The following CD300E variants were observed in gnomAD, a reference collection of about 807,000 sequenced individuals.
CD300E encodes the protein CMRF35-like molecule 2.
CD300E carries 14 observed loss-of-function variants against 20.9 expected under a neutral mutation model. The ratio of observed to expected loss-of-function variants is 0.67; its 90% CI spans 0.44 to 1.05. The LOEUF (loss-of-function observed/expected upper bound fraction) is 1.05, where lower values mean the gene tolerates loss of function less well. Ranked by LOEUF, CD300E falls within the 50% of genes least tolerant of loss-of-function variation. The probability of loss-of-function intolerance (pLI) is 0.00; values close to 1 mark genes in which losing one functional copy is unlikely to be tolerated. For missense variants in CD300E, 237 were observed against 253.9 expected (o/e 0.93, Z 0.45); for synonymous variants, 102 against 103.7 (o/e 0.98, Z 0.10).
intron 2 of CD300E, 78 bp downstream of exon 2, chr17:74,617,040 C>T: frequency 7.9e-7 from 1 of 1,266,916 alleles, no homozygotes; most frequent in Non-Finnish European, 1.1e-6. Context: ...TGGACGCACA[C>T]TTCAGTGTGC....
chr17:74,618,456 C>T (rs896680217), intron 1 of CD300E, among the ~76,000 whole-genome samples: 5 of 152,114 alleles, frequency 3.3e-5, no homozygotes, highest in African/African-American at 9.7e-5. Flanking sequence ...GCGCAGGGGC[C>T]ACGGAAGCTT....
intron 2 of CD300E, 61 bp from the exon 3 acceptor site, chr17:74,614,094 C>G: frequency 2.4e-6 from 3 of 1,263,812 alleles, no homozygotes; most frequent in Non-Finnish European, 2.3e-6. Context: ...CACAGAACAC[C>G]CGTATGGATG....
chr17:74,617,210 G>A lies in CD300E; in HGVS notation c.296C>T (p.Ala99Val). 3 of 1,614,156 alleles carry A rather than the reference G, an allele frequency of 1.9e-6. No individual in the cohort carries two copies. Among genetic ancestry groups the A allele is most frequent in the Non-Finnish European group, 2.5e-6 (3 of 1,180,028 alleles). Residue 99 changes from alanine (A) to valine (V), a missense_variant, in exon 2 of 4, where the codon GCT becomes GTT. By Grantham distance (64) the Ala-to-Val change is moderately conservative (BLOSUM62 0). Transcript: ENST00000392619. Reference sequence around the variant, plus strand: ...CTGAATTTTGCACCAGTAAGATCCAGCATCATCTTCATTGAGGTTCTGCAT... The same window carrying A: ...CTGAATTTTGCACCAGTAAGATCCAACATCATCTTCATTGAGGTTCTGCAT... ...VTMQNLNEDD[A>V]GSYWCKIQTV...
chr17:74,612,950 A>G (rs890394030), intron 3 of CD300E, among the ~76,000 whole-genome samples, 177 bp from the exon 4 acceptor site: 3 of 152,126 alleles, frequency 2.0e-5, no homozygotes, highest in Non-Finnish European at 2.9e-5. Flanking sequence ...TCCCTCCATC[A>G]AGGACTGCCC....
chr17:74,619,330 G>A, intron 1 of CD300E: 1 of 327,908 alleles, frequency 3.0e-6, no homozygotes, highest in Non-Finnish European at 6.2e-6. Context: ...GCTAGGATCA[G>A]AGCCAGTCCC....
At chr17:74,613,025 G>A (rs373857503) in intron 3 of CD300E, among the ~76,000 whole-genome samples, 33 of 152,284 alleles carry the variant, frequency 2.2e-4, no homozygotes, top group African/African-American at 7.7e-4. Context: ...CCAGGAGTGC[G>A]CTCCACAGCA....
At chr17:74,619,318 C>G (rs1175194255) in intron 1 of CD300E, 6 of 344,256 alleles carry the variant, frequency 1.7e-5, no homozygotes, top group Non-Finnish European at 2.4e-5. Flanking sequence ...TGTTCTTCTT[C>G]TGCTAGGATC....
intron 2 of CD300E, among the ~76,000 whole-genome samples, chr17:74,616,236 A>G (rs906560709): frequency 6.6e-6 from 1 of 152,144 alleles, no homozygotes; most frequent in Non-Finnish European, 1.5e-5. Context: ...AATAGGGACA[A>G]TGGCATGAGG....
intron 3 of CD300E, 38 bp downstream of exon 3, chr17:74,613,887 G>A (rs762824645): frequency 2.0e-6 from 3 of 1,466,186 alleles, no homozygotes; most frequent in Admixed American, 3.6e-5. Flanking sequence ...CCACCCCAGG[G>A]TTGCTCCCTC....
Position 74,612,512 on chromosome 17 carries a change from A to G in CD300E, c.*141T>C. On this transcript the variant is annotated 3_prime_UTR_variant, in exon 4 of 4. Transcript: ENST00000392619. Reference sequence around the variant, plus strand: ...GGACTCCAGAGGAGTGTCCTCTAAGAGCCAGGACCCTCCTTTGAGGCACAG... The same window carrying G: ...GGACTCCAGAGGAGTGTCCTCTAAGGGCCAGGACCCTCCTTTGAGGCACAG... 1 of 1,195,822 alleles carries G rather than the reference A, an allele frequency of 8.4e-7. No individual in the cohort carries two copies. Among genetic ancestry groups the G allele is most frequent in the South Asian group, 1.4e-5 (1 of 69,358 alleles). The allele number at this position is 1,195,822 out of a possible 1,614,324, so 74.1% of individuals were successfully genotyped here.
At chr17:74,614,195 A>G (rs1190275291) in intron 2 of CD300E, among the ~76,000 whole-genome samples, 162 bp from the exon 3 acceptor site, 2 of 152,172 alleles carry the variant, frequency 1.3e-5, no homozygotes, top group Non-Finnish European at 2.9e-5. Context: ...CTCAGGGACA[A>G]AAAGAGCCCT....
intron 1 of CD300E, chr17:74,619,044 C>A (rs1598151480): frequency 2.1e-5 from 10 of 469,414 alleles, no homozygotes; most frequent in South Asian, 9.3e-5. Flanking sequence ...CCCCCAAGAA[C>A]CTGTTGCCCC....
At chr17:74,616,887 GT>G (rs947065075) in intron 2 of CD300E, among the ~76,000 whole-genome samples, 1 of 152,138 alleles carries the variant, frequency 6.6e-6, no homozygotes, top group Non-Finnish European at 1.5e-5. Flanking sequence ...GGATAATGGG[GT>G]GAGGCCCAGG....
At position 74,623,642 on chromosome 17, in the gene CD300E, C is replaced by T. The variant is rs779588520; in HGVS notation, c.-21G>A. ...CACATGTTCCTGTCTCCTTGGCTTC[C>T]GTCCTCAGCAAATCTAGGTCCCAGC... is the stretch of plus-strand genomic sequence containing the variant. On this transcript the variant is annotated 5_prime_UTR_variant, in exon 1 of 4. Coordinates refer to ENST00000392619, the MANE Select transcript of CD300E (RefSeq NM_181449.3). 8 of 1,614,078 alleles carry T rather than the reference C, an allele frequency of 5.0e-6. No homozygotes were observed. The highest frequency in any genetic ancestry group is 2.2e-5 in the South Asian group (2 of 91,082).
At chr17:74,621,240 G>A (rs1434260434) in intron 1 of CD300E, among the ~76,000 whole-genome samples, 2 of 152,176 alleles carry the variant, frequency 1.3e-5, no homozygotes, top group African/African-American at 2.4e-5. Flanking sequence ...TTTGAAAGAA[G>A]AACCAGGACT....
Position 74,614,017 on chromosome 17 carries a change from C to T in CD300E, c.405G>A (p.Arg135=), listed in dbSNP as rs1478309767. 1 of 1,613,912 alleles carries T rather than the reference C, an allele frequency of 6.2e-7. No homozygotes were observed. The change falls in exon 3 of 4, where the codon AGG becomes AGA. Residue 135 remains arginine, a synonymous_variant. Coordinates refer to ENST00000392619, the MANE Select transcript of CD300E (RefSeq NM_181449.3). The part of the protein sequence containing the change: ...VYVSPAITTP[R]RTTHPATPPI... ...GAGGTGTGGCTGGATGTGTGGTCCT[C>T]CTTGGGGTTGTAATTGCTGTTGGAG...
At chr17:74,613,865 A>AC in intron 3 of CD300E, 60 bp downstream of exon 3, 2 of 1,120,330 alleles carry the variant, frequency 1.8e-6, no homozygotes, top group Non-Finnish European at 2.7e-6. Context: ...CGCCACCCCC[A>AC]CCCCCCAGCT....
At position 74,612,422 on chromosome 17, in the gene CD300E, G is replaced by T. The variant is rs974581790; in HGVS notation, c.*231C>A. On this transcript the variant is annotated 3_prime_UTR_variant, in exon 4 of 4. Coordinates refer to ENST00000392619, the MANE Select transcript of CD300E (RefSeq NM_181449.3). ...CAGGGAATTCTTGCCCTTGGGAAGT[G>T]GGCATGAGGGCAGGGAGGCAGGGGA... 2 of 382,266 alleles carry T rather than the reference G, an allele frequency of 5.2e-6. No homozygotes were observed. The highest frequency in any genetic ancestry group is 2.1e-5 in the African/African-American group (1 of 47,830). 23.7% of individuals were successfully genotyped at this position (382,266 alleles called of 1,614,324 possible).
At chr17:74,617,601 C>T (rs375614093) in intron 1 of CD300E, 136 bp from the exon 2 acceptor site, 10 of 722,658 alleles carry the variant, frequency 1.4e-5, no homozygotes, top group East Asian at 5.4e-5. Context: ...AATACTTGAG[C>T]TTAGGACCTA....
Sources: allele counts gnomAD v4.1 joint callset (sites outside exome capture counted in the v4.1 genomes callset), GRCh38; gene constraint gnomAD v4.1.1; transcripts MANE v1.5; gene names NCBI Gene and HGNC (gene_info 2026-07-23, HGNC 2026-07-21).